The following ZFHX3 variants were observed in gnomAD, a reference collection of about 807,000 sequenced individuals.
The protein encoded by ZFHX3 is zinc finger homeobox 3.
ZFHX3 carries 42 observed loss-of-function variants against 279.1 expected under a neutral mutation model. The observed-to-expected ratio is 0.15, with a 90% CI of 0.12 to 0.19. The LOEUF is 0.19. Among genes scored for constraint, ZFHX3 ranks in the 10% least tolerant of loss-of-function variants. The pLI, the probability that ZFHX3 is intolerant of heterozygous loss-of-function variation, is 1.00. For synonymous variants in ZFHX3, 2,293 were observed against 1,957.8 expected (o/e 1.17, Z -4.52); for missense variants, 4,981 against 4,754.0 (o/e 1.05, Z -1.40).
chr16:73,713,402 T>C (rs963989730), intron 1 of ZFHX3, among the ~76,000 whole-genome samples: 1 of 152,212 alleles, frequency 6.6e-6, no homozygotes, highest in African/African-American at 2.4e-5. Context: ...GTTTTTATTC[T>C]TTATTCAGTT....
At chr16:73,783,006 A>T (rs1007839871) in intron 1 of ZFHX3, among the ~76,000 whole-genome samples, 3 of 152,170 alleles carry the variant, frequency 2.0e-5, no homozygotes, top group Admixed American at 1.3e-4. Flanking sequence ...CCAACTTCAG[A>T]TGCTGGGGCA....
chr16:73,074,692 G>A (rs955308651), intron 8 of ZFHX3, among the ~76,000 whole-genome samples: 1 of 151,890 alleles, frequency 6.6e-6, no homozygotes, highest in African/African-American at 2.4e-5. Flanking sequence ...TAACCAACGA[G>A]GAAGGAGGGA....
chr16:73,552,253 G>A (rs536038420), intron 2 of ZFHX3, among the ~76,000 whole-genome samples: 4 of 152,106 alleles, frequency 2.6e-5, no homozygotes, highest in South Asian at 2.1e-4. Context: ...CCCTGCTTTC[G>A]GTAATTTTTC....
chr16:73,846,701 G>A (rs953814338), intron 1 of ZFHX3, among the ~76,000 whole-genome samples: 9 of 152,054 alleles, frequency 5.9e-5, no homozygotes, highest in Non-Finnish European at 8.8e-5. Flanking sequence ...ATATTCCTAC[G>A]GTGGAAGCTC....
chr16:73,466,826 A>T (rs2018582663), intron 2 of ZFHX3, among the ~76,000 whole-genome samples: 1 of 152,128 alleles, frequency 6.6e-6, no homozygotes, highest in African/African-American at 2.4e-5. Context: ...ATATTCTGAA[A>T]TTTTTAGAAT....
intron 1 of ZFHX3, among the ~76,000 whole-genome samples, chr16:73,056,238 T>C (rs948176116): frequency 6.6e-6 from 1 of 152,210 alleles, no homozygotes; most frequent in Non-Finnish European, 1.5e-5. Context: ...TGGATTCACC[T>C]ACCACCAAGC....
At chr16:73,399,079 T>C (rs2017192783) in intron 3 of ZFHX3, among the ~76,000 whole-genome samples, 1 of 150,148 alleles carries the variant, frequency 6.7e-6, no homozygotes, top group South Asian at 2.1e-4. Context: ...GGTTTCGCCA[T>C]GTTGGCCAGG....
chr16:73,878,722 A>AGAGG (rs1402301671), intron 1 of ZFHX3, among the ~76,000 whole-genome samples: 4 of 151,918 alleles, frequency 2.6e-5, no homozygotes, highest in Non-Finnish European at 5.9e-5. Context: ...ATTTAATGCA[A>AGAGG]GAGGGAGGGG....
intron 3 of ZFHX3, among the ~76,000 whole-genome samples, chr16:73,355,357 G>GT (rs971627394): frequency 6.6e-6 from 1 of 152,110 alleles, no homozygotes; most frequent in African/African-American, 2.4e-5. Flanking sequence ...TTCCATTTGG[G>GT]TTTTTTTCTA....
At chr16:72,914,875 C>T (rs889961245) in intron 3 of ZFHX3, among the ~76,000 whole-genome samples, 3 of 152,106 alleles carry the variant, frequency 2.0e-5, no homozygotes, top group African/African-American at 7.2e-5. Context: ...CCTATAGTCC[C>T]AGCTACTCGG....
chr16:72,950,451 TA>T lies in ZFHX3; in HGVS notation c.3216+17del. ...CCTTTCAGAAAGAGCGCCTGAGCCA[TA>T]AGGAGCTGGGCCTTACCTTGTACAA... On this transcript the variant is annotated intron_variant, in intron 3 of 9. Coordinates refer to ENST00000268489, the MANE Select transcript of ZFHX3 (RefSeq NM_006885.4). 6.2e-7 allele frequency: 1 copy of T among 1,606,652 alleles called. No individual in the cohort carries two copies. Among genetic ancestry groups the T allele is most frequent in the Non-Finnish European group, 8.5e-7 (1 of 1,174,110 alleles).
At chr16:73,478,395 C>A (rs537578994) in intron 2 of ZFHX3, among the ~76,000 whole-genome samples, 3 of 152,156 alleles carry the variant, frequency 2.0e-5, no homozygotes, top group East Asian at 1.9e-4. Context: ...CAGGCTTCTT[C>A]CCTGCTAGTT....
intron 1 of ZFHX3, among the ~76,000 whole-genome samples, chr16:73,882,090 A>C (rs1295477834): frequency 6.6e-6 from 1 of 152,218 alleles, no homozygotes; most frequent in East Asian, 1.9e-4. Flanking sequence ...AAACGGCATT[A>C]GTAATTCCAC....
intron 2 of ZFHX3, among the ~76,000 whole-genome samples, chr16:73,589,288 A>AAG (rs2051965402): frequency 8.4e-6 from 1 of 119,752 alleles, no homozygotes; most frequent in Non-Finnish European, 1.8e-5. Context: ...AAAAAAAAAA[A>AAG]AGCCAGGTGT....
chr16:72,865,383 G>A (rs942255195), intron 4 of ZFHX3, among the ~76,000 whole-genome samples: 1 of 152,220 alleles, frequency 6.6e-6, no homozygotes, highest in African/African-American at 2.4e-5. Flanking sequence ...CCCGAGTTGG[G>A]CTCTGAGTGC....
At chr16:73,821,785 G>A (rs529901634) in intron 1 of ZFHX3, among the ~76,000 whole-genome samples, 7 of 152,306 alleles carry the variant, frequency 4.6e-5, no homozygotes, top group East Asian at 1.9e-4. Context: ...GAAAGGAGAC[G>A]GTCGTCAGGG....
Position 73,854,969 on chromosome 16 carries a change from C to T in ZFHX3, c.-1608+36682G>A, listed in dbSNP as rs73603550. Among the ~76,000 whole-genome samples, 989 of 151,898 alleles carry T rather than the reference C, an allele frequency of 6.5e-3. 14 individuals are homozygous for T. The highest frequency in any genetic ancestry group is 0.023 in the African/African-American group (957 of 41,400). On this transcript the variant is annotated intron_variant, in intron 1 of 17. Coordinates refer to the ZFHX3 transcript ENST00000641206. ...ATTACATAAACCAGAATTCAAAGGC[C>T]CTTGAGGTTGAATAAGAACTCTAAA...
intron 7 of ZFHX3, among the ~76,000 whole-genome samples, chr16:72,800,835 A>T (rs947421909): frequency 6.6e-6 from 1 of 152,148 alleles, no homozygotes; most frequent in East Asian, 1.9e-4. Flanking sequence ...CCAGCGATAG[A>T]GGGTGGCCTG....
At chr16:73,316,126 G>A (rs764762041) in intron 4 of ZFHX3, among the ~76,000 whole-genome samples, 8 of 152,150 alleles carry the variant, frequency 5.3e-5, no homozygotes, top group South Asian at 2.1e-4. Flanking sequence ...AAATAAATCC[G>A]GAAGCTTCTA....
Sources: gnomAD v4.1 joint callset for allele counts (sites outside exome capture counted in the v4.1 genomes callset) on GRCh38, gnomAD v4.1.1 for gene constraint, MANE v1.5 for transcripts, NCBI Gene and HGNC (gene_info 2026-07-23, HGNC 2026-07-21) for gene names.